The following PCDHGA9 variants were observed in gnomAD, a reference collection of about 807,000 sequenced individuals.
PCDHGA9 encodes the protein protocadherin gamma-A9.
In PCDHGA9, 37 loss-of-function variants were observed where a neutral mutation model predicts 62.5. The ratio of observed to expected loss-of-function variants is 0.59; its 90% CI spans 0.46 to 0.78. The LOEUF is 0.78. Ranked by LOEUF, PCDHGA9 falls within the 30% of genes least tolerant of loss-of-function variation. PCDHGA9 has a pLI of 0.00. For synonymous variants in PCDHGA9, 459 were observed against 484.6 expected (o/e 0.95, Z 0.69); for missense variants, 1,138 against 1,166.2 (o/e 0.98, Z 0.35).
At chr5:141,453,145 G>A (rs1329081754) in intron 1 of PCDHGA9, among the ~76,000 whole-genome samples, 3 of 151,752 alleles carry the variant, frequency 2.0e-5, no homozygotes, top group Admixed American at 6.6e-5. Context: ...ATAGGGTCTC[G>A]CTATGTCACC....
intron 1 of PCDHGA9, chr5:141,468,330 C>CAAAAAA (rs533390277): frequency 1.3e-5 from 1 of 79,878 alleles, no homozygotes. Context: ...AACTCCATCT[C>CAAAAAA]AAAAAAAAAA....
Position 141,431,349 on chromosome 5 carries a change from A to G in PCDHGA9, c.2424+25973A>G. 1.2e-6 allele frequency: 2 copies of G among 1,614,026 alleles called. No individual in the cohort carries two copies. The highest frequency in any genetic ancestry group is 4.5e-5 in the East Asian group (2 of 44,874). On this transcript the variant is annotated intron_variant, in intron 1 of 3. Coordinates refer to ENST00000573521, the MANE Select transcript of PCDHGA9 (RefSeq NM_018921.3). This position sits in a 1 kb window ranked among gnomAD's most constrained non-coding sequence, Gnocchi z 4.8. ...AGTAAGTACCCCGAATTGGTGCTGAAACGCGCCCTGGACCGCGAAGAAAAG... is the reference window on the plus strand; with the variant it reads ...AGTAAGTACCCCGAATTGGTGCTGAGACGCGCCCTGGACCGCGAAGAAAAG...
At chr5:141,502,961 A>G (rs886622146) in intron 2 of PCDHGA9, among the ~76,000 whole-genome samples, 3 of 146,786 alleles carry the variant, frequency 2.0e-5, no homozygotes, top group Non-Finnish European at 4.4e-5. Context: ...CTCCTGCCTC[A>G]GCCTCCCAAG....
At position 141,486,209 on chromosome 5, in the gene PCDHGA9, A is replaced by G. The variant is rs749965379; in HGVS notation, c.2425-8598A>G. 1.2e-6 allele frequency: 2 copies of G among 1,614,080 alleles called. No homozygotes were observed. The highest frequency in any genetic ancestry group is 1.7e-6 in the Non-Finnish European group (2 of 1,179,988). ...AGTGGATCTGCTGGACGTAAATGAC[A>G]ATGCCCCTTACATCACAGTGACCTC... On this transcript the variant is annotated intron_variant, in intron 1 of 3. Transcript: ENST00000573521. The surrounding 1 kb of genome is among the most constrained non-coding windows in gnomAD (Gnocchi z 5.0).
chr5:141,421,019 C>T, intron 1 of PCDHGA9: 1 of 516,402 alleles, frequency 1.9e-6, no homozygotes, highest in Non-Finnish European at 3.4e-6. Flanking sequence ...TGGGAAGCTG[C>T]GCGCCATTGA....
intron 1 of PCDHGA9, among the ~76,000 whole-genome samples, chr5:141,483,393 C>T (rs1475344614): frequency 6.6e-6 from 1 of 152,080 alleles, no homozygotes; most frequent in Admixed American, 6.5e-5. Flanking sequence ...TTGATAAATG[C>T]TTGAACCAGC....
intron 1 of PCDHGA9, chr5:141,428,173 CGGA>C (rs770477048): frequency 1.3e-6 from 2 of 1,514,730 alleles, no homozygotes. Context: ...CTGTGCGTGA[CGGA>C]GGACAGCCGC....
intron 1 of PCDHGA9, chr5:141,424,630 A>G (rs1440031596): frequency 1.3e-5 from 2 of 152,366 alleles, no homozygotes; most frequent in East Asian, 3.9e-4. Flanking sequence ...TTGTGAATAT[A>G]TAAATAGATT....
intron 1 of PCDHGA9, chr5:141,419,816 C>T (rs910172118): frequency 1.2e-6 from 2 of 1,614,058 alleles, no homozygotes; most frequent in Non-Finnish European, 8.5e-7. Context: ...AGGACAGCCA[C>T]CCCTTTCAGC....
At chr5:141,413,626 G>T (rs757785567) in intron 1 of PCDHGA9, 24 of 1,613,680 alleles carry the variant, frequency 1.5e-5, no homozygotes, top group Non-Finnish European at 1.7e-5. Context: ...TGAAAATGTC[G>T]CTGCGGGAAT....
intron 1 of PCDHGA9, among the ~76,000 whole-genome samples, chr5:141,447,984 G>C (rs1300057273): frequency 6.6e-6 from 1 of 151,952 alleles, no homozygotes; most frequent in African/African-American, 2.4e-5. Context: ...TACTCGGGAG[G>C]CTGAGGCATG....
At chr5:141,484,478 A>G (rs2099596967) in intron 1 of PCDHGA9, among the ~76,000 whole-genome samples, 1 of 152,244 alleles carries the variant, frequency 6.6e-6, no homozygotes, top group Admixed American at 6.5e-5. Context: ...CTTTTCTGCA[A>G]AGAGATGGAT....
chr5:141,435,059 G>A (rs2097741198), intron 1 of PCDHGA9, among the ~76,000 whole-genome samples: 1 of 152,042 alleles, frequency 6.6e-6, no homozygotes, highest in Non-Finnish European at 1.5e-5. Context: ...CCATGCAGCA[G>A]TTTTGTGTAG....
At chr5:141,484,880 T>G (rs1258072805) in intron 1 of PCDHGA9, 3 of 336,846 alleles carry the variant, frequency 8.9e-6, no homozygotes, top group Admixed American at 9.2e-5. Flanking sequence ...GAGGATAGGG[T>G]GGGCTTTTTC....
intron 1 of PCDHGA9, chr5:141,427,818 G>T: frequency 6.5e-7 from 1 of 1,530,644 alleles, no homozygotes; most frequent in Non-Finnish European, 9.0e-7. Flanking sequence ...GAGCGGGGTG[G>T]TGGTCGCGCA....
intron 1 of PCDHGA9, among the ~76,000 whole-genome samples, chr5:141,462,223 G>A (rs563764515): frequency 2.0e-5 from 3 of 152,144 alleles, no homozygotes; most frequent in Admixed American, 2.0e-4. Flanking sequence ...GCCTCCCAAA[G>A]TGCAGGGATT....
intron 1 of PCDHGA9, chr5:141,413,943 T>A: frequency 1.2e-6 from 2 of 1,613,420 alleles, no homozygotes; most frequent in Non-Finnish European, 1.7e-6. Context: ...TGAGTGTTCC[T>A]GAGAATTTGC....
chr5:141,414,981 C>G (rs766434004), intron 1 of PCDHGA9: 12 of 1,613,722 alleles, frequency 7.4e-6, no homozygotes, highest in East Asian at 6.7e-5. Flanking sequence ...ACAGAGACTC[C>G]GGCCAGAACG....
rs1322608789 is a variant in PCDHGA9, at chr5:141,485,671, G to A, written c.2425-9136G>A. 3 of 1,612,860 alleles carry A rather than the reference G, an allele frequency of 1.9e-6. No homozygotes were observed. The highest frequency in any genetic ancestry group is 2.5e-6 in the Non-Finnish European group (3 of 1,179,040). On this transcript the variant is annotated intron_variant, in intron 1 of 3. Coordinates refer to ENST00000573521, the MANE Select transcript of PCDHGA9 (RefSeq NM_018921.3). This position sits in a 1 kb window ranked among gnomAD's most constrained non-coding sequence, Gnocchi z 5.7. Reference sequence around the variant, plus strand: ...AGGATGCAGATGTGGGGAGCAATTCGATTAGCAGCTATAGGCTGAGCTCCA... The same window carrying A: ...AGGATGCAGATGTGGGGAGCAATTCAATTAGCAGCTATAGGCTGAGCTCCA...
Sources: gnomAD v4.1 joint callset for allele counts (sites outside exome capture counted in the v4.1 genomes callset) on GRCh38, gnomAD v4.1.1 for gene constraint, Gnocchi (gnomAD v3.1) non-coding constraint, MANE v1.5 for transcripts, NCBI Gene and HGNC (gene_info 2026-07-23, HGNC 2026-07-21) for gene names.